Variants in PCDHA13 observed in about 807,000 individuals in gnomAD.
PCDHA13 encodes protocadherin alpha 13.
A neutral mutation model predicts 64.8 loss-of-function variants in PCDHA13; 54 were observed. The observed-to-expected ratio is 0.83, with a 90% CI of 0.67 to 1.04. The LOEUF is 1.04. Among genes scored for constraint, PCDHA13 ranks in the 50% least tolerant of loss-of-function variants. The pLI, the probability that PCDHA13 is intolerant of heterozygous loss-of-function variation, is 0.00. For missense variants in PCDHA13, 1,248 were observed against 1,254.3 expected (o/e 0.99, Z 0.08); for synonymous variants, 587 against 564.4 (o/e 1.04, Z -0.57).
chr5:140,894,525 A>G (rs544789222), intron 1 of PCDHA13, among the ~76,000 whole-genome samples: 11 of 151,856 alleles, frequency 7.2e-5, no homozygotes, highest in African/African-American at 2.7e-4. Context: ...ATATGCTGTT[A>G]TGTGCCTTCT....
chr5:140,951,545 G>C (rs1019007635), intron 1 of PCDHA13, among the ~76,000 whole-genome samples: 2 of 151,950 alleles, frequency 1.3e-5, no homozygotes, highest in Admixed American at 6.6e-5. Context: ...GCAAGGGACG[G>C]GGGGAAGTGC....
At chr5:140,899,983 T>C (rs1313036603) in intron 1 of PCDHA13, among the ~76,000 whole-genome samples, 5 of 151,754 alleles carry the variant, frequency 3.3e-5, no homozygotes, top group Non-Finnish European at 7.4e-5. Flanking sequence ...ACTTTTTTGA[T>C]TTTTTTTGTA....
chr5:140,978,652 C>T (rs555324579), intron 1 of PCDHA13, among the ~76,000 whole-genome samples: 2 of 152,320 alleles, frequency 1.3e-5, no homozygotes, highest in East Asian at 1.9e-4. Flanking sequence ...CTGTTCTTCC[C>T]GTAGTGTTTT....
intron 1 of PCDHA13, among the ~76,000 whole-genome samples, chr5:140,969,746 T>C (rs1353204080): frequency 6.6e-6 from 1 of 152,224 alleles, no homozygotes; most frequent in African/African-American, 2.4e-5. Context: ...ATGAGTGATG[T>C]TTCTTAAAAA....
chr5:140,920,841 TAA>T (rs781921146), intron 1 of PCDHA13, among the ~76,000 whole-genome samples: 15 of 109,130 alleles, frequency 1.4e-4, no homozygotes, highest in Admixed American at 1.9e-4. Flanking sequence ...AGACCAAATC[TAA>T]AAAAAAAAAA....
intron 1 of PCDHA13, among the ~76,000 whole-genome samples, chr5:140,944,214 G>T (rs72801002): frequency 0.015 from 2,290 of 152,232 alleles, 30 homozygotes; most frequent in Non-Finnish European, 0.021. Context: ...TTTAAAGAGG[G>T]TTTTACTCTG....
In PCDHA13 at chr5:140,966,814, C is replaced by G. The variant is rs782787958; in HGVS notation, c.2395-12135C>G. 4.5e-6 allele frequency: 7 copies of G among 1,552,328 alleles called. No individual in the cohort carries two copies. The East Asian group carries it at 1.2e-4, about 27-fold the overall frequency. On this transcript the variant is annotated intron_variant, in intron 1 of 3. Coordinates refer to ENST00000289272, the MANE Select transcript of PCDHA13 (RefSeq NM_018904.3). The stretch of plus-strand genomic sequence containing the variant: ...CTGCGGCGACAGAGCATCCACGGCT[C>G]CGGCGGCCCATGCCCTGGCTGCTGC...
chr5:140,893,568 C>T (rs1554185659), intron 1 of PCDHA13, among the ~76,000 whole-genome samples: 1 of 152,150 alleles, frequency 6.6e-6, no homozygotes, highest in Non-Finnish European at 1.5e-5. Flanking sequence ...TGTACTTCCT[C>T]AGTTTTTGCT....
chr5:140,967,282 G>T, intron 1 of PCDHA13: 1 of 1,613,078 alleles, frequency 6.2e-7, no homozygotes. Flanking sequence ...TAGAGAGTGC[G>T]CAGGACCCCG....
Position 140,892,397 on chromosome 5 carries a change from T to C in PCDHA13, c.2394+7735T>C, listed in dbSNP as rs554853881. On this transcript the variant is annotated intron_variant, in intron 1 of 3. Coordinates refer to ENST00000289272, the MANE Select transcript of PCDHA13 (RefSeq NM_018904.3). ...GCAATCATGGGTAATCTTAATCTAT[T>C]TCAAGCTTCAGGTATTCTAGATAAA... is the stretch of plus-strand genomic sequence containing the variant. Among the ~76,000 whole-genome samples the C allele has an allele frequency of 2.0e-5, 3 of 152,326 alleles. No homozygotes were observed. The South Asian group carries it at 6.2e-4, about 32-fold the overall frequency.
chr5:140,926,125 A>G (rs1584421625), intron 1 of PCDHA13, among the ~76,000 whole-genome samples: 2 of 152,180 alleles, frequency 1.3e-5, no homozygotes, highest in Admixed American at 6.5e-5. Flanking sequence ...ACAGACTTCA[A>G]CCCGCAGCAG....
chr5:140,998,809 C>T (rs782698811), intron 3 of PCDHA13, among the ~76,000 whole-genome samples: 14 of 152,212 alleles, frequency 9.2e-5, no homozygotes, highest in Non-Finnish European at 1.9e-4. Context: ...GGTGATCTGC[C>T]TGCCTTGGCC....
At chr5:140,993,023 G>C (rs2097537603) in intron 3 of PCDHA13, among the ~76,000 whole-genome samples, 1 of 152,146 alleles carries the variant, frequency 6.6e-6, no homozygotes. Flanking sequence ...AGCATCCCCT[G>C]TGGGCTCCGT....
At chr5:140,927,269 C>T in intron 1 of PCDHA13, 1 of 1,614,142 alleles carries the variant, frequency 6.2e-7, no homozygotes, top group Non-Finnish European at 8.5e-7. Context: ...CTCTTTCCTG[C>T]CGGCGACGTG....
chr5:140,974,255 C>T (rs1049283311), intron 1 of PCDHA13, among the ~76,000 whole-genome samples: 1 of 152,186 alleles, frequency 6.6e-6, no homozygotes, highest in African/African-American at 2.4e-5. Flanking sequence ...CCATCAGTTC[C>T]TTTCTGGCCT....
intron 1 of PCDHA13, among the ~76,000 whole-genome samples, chr5:140,906,837 A>C (rs543572104): frequency 2.0e-4 from 31 of 152,292 alleles, no homozygotes; most frequent in African/African-American, 7.5e-4. Flanking sequence ...GACTGATTTC[A>C]TCTTGAGAGT....
At chr5:140,972,096 A>G (rs2096519185) in intron 1 of PCDHA13, among the ~76,000 whole-genome samples, 1 of 152,168 alleles carries the variant, frequency 6.6e-6, no homozygotes. Context: ...AATTTCTGGC[A>G]TAGAAGCAGG....
chr5:140,965,700 C>CT (rs1554227802), intron 1 of PCDHA13, among the ~76,000 whole-genome samples: 1 of 152,162 alleles, frequency 6.6e-6, no homozygotes, highest in East Asian at 1.9e-4. Flanking sequence ...TTAGAAAAAG[C>CT]TTGAGAGAAG....
At chr5:140,997,466 T>G (rs2097771241) in intron 3 of PCDHA13, among the ~76,000 whole-genome samples, 2 of 152,186 alleles carry the variant, frequency 1.3e-5, no homozygotes, top group Admixed American at 1.3e-4. Context: ...CTGTAGGCAA[T>G]TTTTACACAA....
Sources: allele counts gnomAD v4.1 joint callset (sites outside exome capture counted in the v4.1 genomes callset), GRCh38; gene constraint gnomAD v4.1.1; transcripts MANE v1.5; gene names NCBI Gene and HGNC (gene_info 2026-07-23, HGNC 2026-07-21).